The following TXNL1 variants were observed in gnomAD, a reference collection of about 807,000 sequenced individuals.
TXNL1 encodes thioredoxin like 1, also known as thioredoxin-like protein 1.
TXNL1 carries 14 observed loss-of-function variants against 35.5 expected under a neutral mutation model. The observed-to-expected ratio is 0.39, with a 90% CI of 0.26 to 0.62. The LOEUF (loss-of-function observed/expected upper bound fraction) is 0.62, where lower values mean the gene tolerates loss of function less well. TXNL1 is among the 20% of genes least tolerant of loss of function. TXNL1 has a pLI of 0.47. For synonymous variants in TXNL1, 110 were observed against 115.5 expected (o/e 0.95, Z 0.31); for missense variants, 263 against 349.7 (o/e 0.75, Z 1.98).
chr18:56,622,427 A>C (rs2024203713), intron 3 of TXNL1, among the ~76,000 whole-genome samples: 1 of 152,222 alleles, frequency 6.6e-6, no homozygotes, highest in Non-Finnish European at 1.5e-5. Context: ...ATCAATATTA[A>C]ATTTCTTGGG....
chr18:56,608,745 C>T (rs1460749923), intron 7 of TXNL1: 2 of 152,018 alleles, frequency 1.3e-5, no homozygotes, highest in Non-Finnish European at 2.9e-5. Context: ...GGCTCGTAAA[C>T]AGAGAAGCCT....
intron 1 of TXNL1, among the ~76,000 whole-genome samples, chr18:56,635,364 G>A (rs571761551): frequency 3.3e-5 from 5 of 152,272 alleles, no homozygotes; most frequent in African/African-American, 1.2e-4. Flanking sequence ...CAACTGGAAT[G>A]TCCATCAAAA....
chr18:56,598,808 A>G lies in TXNL1; in HGVS notation c.*4219T>C, dbSNP rs1598907701. 6.6e-6 allele frequency: 1 copy of G among 152,222 alleles called. No homozygotes were observed. Among genetic ancestry groups the G allele is most frequent in the Admixed American group, 6.5e-5 (1 of 15,282 alleles). The allele number at this position is 152,222 out of a possible 1,614,324, so 9.4% of individuals were successfully genotyped here. A position where few individuals can be genotyped will look rare whatever the true frequency, so the allele number is the denominator to read the frequency against. ...AAGAGATAGATGTTCCTATTTTTAC[A>G]CAAGAAGAAATTTGAGCTCTGAAGG... On this transcript the variant is annotated 3_prime_UTR_variant, in exon 8 of 8. Coordinates refer to ENST00000217515, the MANE Select transcript of TXNL1 (RefSeq NM_004786.3).
chr18:56,604,532 A>G (rs553647511), intron 7 of TXNL1: 1 of 152,308 alleles, frequency 6.6e-6, no homozygotes, highest in African/African-American at 2.4e-5. Context: ...CCCAAACGTA[A>G]AGCTCTTTTA....
At chr18:56,630,068 G>A (rs1235676307) in intron 1 of TXNL1, among the ~76,000 whole-genome samples, 1 of 152,044 alleles carries the variant, frequency 6.6e-6, no homozygotes, top group African/African-American at 2.4e-5. Context: ...GCGTGATAGC[G>A]GATGCCTATA....
chr18:56,616,103 G>T, intron 5 of TXNL1, 142 bp downstream of exon 5: 1 of 654,224 alleles, frequency 1.5e-6, no homozygotes, highest in Non-Finnish European at 2.5e-6. Context: ...CCGCACTCCA[G>T]CCTGGGCAAT....
At chr18:56,621,186 C>T (rs1280782532) in intron 3 of TXNL1, among the ~76,000 whole-genome samples, 2 of 149,094 alleles carry the variant, frequency 1.3e-5, no homozygotes, top group Non-Finnish European at 3.0e-5. Context: ...TTGTGGGGCA[C>T]ACAAAACATA....
chr18:56,622,950 C>G (rs989591461), intron 3 of TXNL1, among the ~76,000 whole-genome samples: 2 of 152,122 alleles, frequency 1.3e-5, no homozygotes, highest in African/African-American at 4.8e-5. Flanking sequence ...ATGCTGGTAT[C>G]ACATTACTGA....
intron 7 of TXNL1, among the ~76,000 whole-genome samples, chr18:56,604,983 T>A (rs2023866077): frequency 6.6e-6 from 1 of 151,626 alleles, no homozygotes; most frequent in Admixed American, 6.6e-5. Flanking sequence ...TTTATTGTGA[T>A]GTTATGCCTC....
chr18:56,624,548 C>A, intron 2 of TXNL1, 87 bp from the exon 3 acceptor site: 2 of 1,390,566 alleles, frequency 1.4e-6, no homozygotes, highest in South Asian at 3.0e-5. Context: ...AGTTAAATAC[C>A]ATAAGCATGA....
At chr18:56,616,126 T>C (rs1335160148) in intron 5 of TXNL1, 119 bp downstream of exon 5, 14 of 833,686 alleles carry the variant, frequency 1.7e-5, no homozygotes, top group Admixed American at 1.4e-4. Flanking sequence ...CACAAGACTC[T>C]GTCTCAAAAA....
chr18:56,635,829 T>C (rs967663975), intron 1 of TXNL1, among the ~76,000 whole-genome samples: 4 of 152,196 alleles, frequency 2.6e-5, no homozygotes, highest in Admixed American at 1.3e-4. Flanking sequence ...AAGGGCCTAA[T>C]AGAAAATGAC....
chr18:56,624,249 G>C, intron 3 of TXNL1, 39 bp downstream of exon 3: 1 of 1,562,706 alleles, frequency 6.4e-7, no homozygotes, highest in African/African-American at 1.4e-5. Flanking sequence ...ACATGTACAA[G>C]ATATTATACA....
intron 2 of TXNL1, among the ~76,000 whole-genome samples, chr18:56,624,854 G>A (rs946500288): frequency 2.0e-5 from 3 of 152,172 alleles, no homozygotes; most frequent in Non-Finnish European, 4.4e-5. Context: ...AGAAAAAAGT[G>A]CAGGTCTGAA....
At chr18:56,628,371 T>C (rs978711843) in intron 1 of TXNL1, among the ~76,000 whole-genome samples, 1 of 152,202 alleles carries the variant, frequency 6.6e-6, no homozygotes, top group Non-Finnish European at 1.5e-5. Context: ...ATGTTCACCT[T>C]AGAACATTTG....
chr18:56,617,396 T>C (rs1568103091), intron 4 of TXNL1, among the ~76,000 whole-genome samples: 1 of 152,176 alleles, frequency 6.6e-6, no homozygotes, highest in Admixed American at 6.5e-5. Flanking sequence ...TTCTAAGGAA[T>C]GGAAACATGC....
intron 1 of TXNL1, among the ~76,000 whole-genome samples, chr18:56,627,991 C>A (rs1314897294): frequency 6.6e-6 from 1 of 152,048 alleles, no homozygotes; most frequent in Non-Finnish European, 1.5e-5. Context: ...AGGACTTATA[C>A]TTCTAATACG....
At chr18:56,614,391 C>G in intron 6 of TXNL1, 33 bp downstream of exon 6, 1 of 1,582,766 alleles carries the variant, frequency 6.3e-7, no homozygotes, top group Non-Finnish European at 8.6e-7. Context: ...ACTCACAAAC[C>G]TATTAAATAC....
At chr18:56,619,355 T>C (rs1001182098) in intron 3 of TXNL1, among the ~76,000 whole-genome samples, 2 of 151,494 alleles carry the variant, frequency 1.3e-5, no homozygotes, top group Admixed American at 6.6e-5. Context: ...TTGTCCAACA[T>C]GGTGAAACTC....
Sources: gnomAD v4.1 joint callset for allele counts (sites outside exome capture counted in the v4.1 genomes callset) on GRCh38, gnomAD v4.1.1 for gene constraint, MANE v1.5 for transcripts, NCBI Gene and HGNC (gene_info 2026-07-23, HGNC 2026-07-21) for gene names.